GPR160: variants seen among roughly 807,000 people sequenced by gnomAD.
GPR160 encodes the protein probable G protein-coupled receptor 160.
In GPR160, 2 loss-of-function variants were observed where a neutral mutation model predicts 2.6. The observed-to-expected ratio is 0.77, with a 90% CI of 0.32 to 2.44. The LOEUF is 2.44. Ranked by LOEUF, GPR160 falls within the 30% of genes most tolerant of loss-of-function variation. The probability of loss-of-function intolerance (pLI) is 0.11; values close to 1 mark genes in which losing one functional copy is unlikely to be tolerated. For missense variants in GPR160, 351 were observed against 383.6 expected (o/e 0.91, Z 0.71); for synonymous variants, 130 against 132.2 (o/e 0.98, Z 0.12).
At chr3:170,066,333 G>A (rs2108333922) in intron 2 of GPR160, among the ~76,000 whole-genome samples, 1 of 151,682 alleles carries the variant, frequency 6.6e-6, no homozygotes, top group African/African-American at 2.4e-5. Context: ...GTAGAGACGG[G>A]TTTCACCATG....
At chr3:170,047,982 C>T (rs1428393044) in intron 2 of GPR160, among the ~76,000 whole-genome samples, 3 of 152,170 alleles carry the variant, frequency 2.0e-5, no homozygotes, top group African/African-American at 7.2e-5. Context: ...GGATTGCAGG[C>T]ATCAGCCATC....
chr3:170,048,372 C>T (rs1027850445), intron 2 of GPR160, among the ~76,000 whole-genome samples: 3 of 152,116 alleles, frequency 2.0e-5, no homozygotes, highest in African/African-American at 7.2e-5. Flanking sequence ...CTGTACAGTT[C>T]ATCTATGTAA....
intron 2 of GPR160, among the ~76,000 whole-genome samples, chr3:170,079,101 CTG>C (rs917594933): frequency 4.6e-5 from 7 of 152,356 alleles, no homozygotes; most frequent in South Asian, 2.1e-4. Flanking sequence ...TACCCACAGA[CTG>C]TGTTTGCTCC....
At position 170,038,383 on chromosome 3, in the gene GPR160, T is replaced by G. The variant is rs1389937469; in HGVS notation, c.-322+168T>G. 4 of 152,070 alleles carry G rather than the reference T, an allele frequency of 2.6e-5. No individual in the cohort carries two copies. The East Asian group carries it at 7.8e-4, about 30-fold the overall frequency. 9.4% of individuals were successfully genotyped at this position (152,070 alleles called of 1,614,324 possible). On this transcript the variant is annotated intron_variant, in intron 1 of 3. Transcript: ENST00000355897. This position sits in a 1 kb window ranked among gnomAD's most constrained non-coding sequence, Gnocchi z 5.3. ...AGGAACTCAGGGGCTGGGGGTTCTCTGCTACTTAAGAGATCCAGGAGTGGA... is the reference window on the plus strand; with the variant it reads ...AGGAACTCAGGGGCTGGGGGTTCTCGGCTACTTAAGAGATCCAGGAGTGGA...
chr3:170,083,043 A>G (rs1713218495), intron 3 of GPR160, among the ~76,000 whole-genome samples: 1 of 147,948 alleles, frequency 6.8e-6, no homozygotes, highest in South Asian at 2.1e-4. Flanking sequence ...GTAGTATTGT[A>G]GAAATAAGTT....
intron 2 of GPR160, among the ~76,000 whole-genome samples, chr3:170,071,715 A>G (rs1168050955): frequency 6.6e-6 from 1 of 152,092 alleles, no homozygotes; most frequent in African/African-American, 2.4e-5. Flanking sequence ...AGAATCGCAC[A>G]AACTCAGAAG....
intron 2 of GPR160, among the ~76,000 whole-genome samples, chr3:170,058,879 A>G (rs1469242156): frequency 1.3e-5 from 2 of 152,246 alleles, no homozygotes; most frequent in African/African-American, 4.8e-5. Context: ...TTTTTAAAAA[A>G]TTAAAAAGGA....
Position 170,085,107 on chromosome 3 carries a change from T to C in GPR160, c.*118T>C, listed in dbSNP as rs1271820514. 1 of 488,694 alleles carries C rather than the reference T, an allele frequency of 2.0e-6. No homozygotes were observed. The allele number at this position is 488,694 out of a possible 1,614,324, so 30.3% of individuals were successfully genotyped here. On this transcript the variant is annotated 3_prime_UTR_variant, in exon 4 of 4. Transcript: ENST00000355897. ...AACTTTTGCCCCCTGACTGATAGCA[T>C]TTCAGAATGTGTCTTTTGAAGGGCT...
chr3:170,042,631 C>T (rs1716501120), intron 2 of GPR160, among the ~76,000 whole-genome samples: 1 of 147,056 alleles, frequency 6.8e-6, no homozygotes, highest in Admixed American at 6.9e-5. Flanking sequence ...AGTTCAAGAC[C>T]AGCCTGGGCA....
At chr3:170,069,480 T>A (rs1055159552) in intron 2 of GPR160, among the ~76,000 whole-genome samples, 9 of 152,168 alleles carry the variant, frequency 5.9e-5, no homozygotes, top group African/African-American at 1.4e-4. Context: ...TGAATAGCAG[T>A]CTCCTAGGTG....
At position 170,084,839 on chromosome 3, in the gene GPR160, T is replaced by TA; in HGVS notation, c.868dup (p.Thr290AsnfsTer6). The TA allele has an allele frequency of 6.2e-7, 1 of 1,610,326 alleles. No individual in the cohort carries two copies. The highest frequency in any genetic ancestry group is 8.5e-7 in the Non-Finnish European group (1 of 1,176,924). ...ACTTTGTCAATAGTTTTCTCATTGC[T>TA]ACAGTGTATTGGTTTAATTGTCACA... On this transcript the variant is annotated frameshift_variant, in exon 4 of 4. Transcript: ENST00000355897. LOFTEE classifies it high-confidence loss of function.
chr3:170,077,803 ATC>A (rs1186042296), intron 2 of GPR160: 4 of 153,732 alleles, frequency 2.6e-5, no homozygotes, highest in African/African-American at 7.2e-5. Flanking sequence ...TACACTGCAT[ATC>A]TGTGTCTGAG....
In GPR160 at chr3:170,038,201, G is replaced by C. The variant is rs948527035; in HGVS notation, c.-336G>C. On this transcript the variant is annotated 5_prime_UTR_variant, in exon 1 of 4. Transcript: ENST00000355897. The surrounding 1 kb of genome is among the most constrained non-coding windows in gnomAD (Gnocchi z 5.3). ...GGGCCTCAACCTTGCGGAGCCGACA[G>C]CCATCGATCCTCGGGTGAGTGCGGG... 5 of 152,132 alleles carry C rather than the reference G, an allele frequency of 3.3e-5. No individual in the cohort carries two copies. Among genetic ancestry groups the C allele is most frequent in the African/African-American group, 4.8e-5 (2 of 41,448 alleles). The allele number at this position is 152,132 out of a possible 1,614,324, so 9.4% of individuals were successfully genotyped here.
intron 2 of GPR160, among the ~76,000 whole-genome samples, chr3:170,056,812 GA>G: frequency 6.6e-6 from 1 of 152,284 alleles, no homozygotes; most frequent in East Asian, 1.9e-4. Flanking sequence ...ATTTTTGGCA[GA>G]AAAAGCCTAT....
rs373448552 is a variant in GPR160 at position 170,069,845 on chromosome 3, G to A, written c.-192-9929G>A. Among the ~76,000 whole-genome samples the A allele has an allele frequency of 7.2e-4, 110 of 152,184 alleles. 1 individual carries two copies. The South Asian group carries it at 0.021, about 29-fold the overall frequency. ...GCCATAACAAACCACCACAGGCTGG[G>A]TGGCTGAAACAACAGCTCTGGGGGC... On this transcript the variant is annotated intron_variant, in intron 2 of 3. Transcript: ENST00000355897.
intron 2 of GPR160, among the ~76,000 whole-genome samples, chr3:170,057,600 T>C (rs1481448798): frequency 6.6e-6 from 1 of 152,210 alleles, no homozygotes; most frequent in African/African-American, 2.4e-5. Flanking sequence ...AATCAGAGAC[T>C]GCAGTGCCCT....
intron 2 of GPR160, among the ~76,000 whole-genome samples, chr3:170,047,297 C>A (rs948614835): frequency 1.3e-5 from 2 of 152,204 alleles, no homozygotes; most frequent in African/African-American, 4.8e-5. Flanking sequence ...AAGGTTTTCT[C>A]TTCTTCCTAT....
chr3:170,040,070 T>C (rs978348296), intron 2 of GPR160, among the ~76,000 whole-genome samples: 4 of 152,130 alleles, frequency 2.6e-5, no homozygotes, highest in Non-Finnish European at 5.9e-5. Context: ...AAATACCTAA[T>C]GCATGCAGGG....
At chr3:170,065,664 T>A (rs142614742) in intron 2 of GPR160, among the ~76,000 whole-genome samples, 2 of 152,362 alleles carry the variant, frequency 1.3e-5, no homozygotes, top group Non-Finnish European at 2.9e-5. Context: ...TGGTGTAGAA[T>A]TCTATGTTGG....
Sources: allele counts gnomAD v4.1 joint callset (sites outside exome capture counted in the v4.1 genomes callset), GRCh38; gene constraint gnomAD v4.1.1; non-coding constraint Gnocchi (gnomAD v3.1); transcripts MANE v1.5; gene names NCBI Gene and HGNC (gene_info 2026-07-23, HGNC 2026-07-21).